The following UNC79 variants were observed in gnomAD, a reference collection of about 807,000 sequenced individuals.
UNC79 encodes protein unc-79 homolog.
UNC79 carries 37 observed loss-of-function variants against 283.1 expected under a neutral mutation model. The observed-to-expected ratio is 0.13, with a 90% confidence interval of 0.10 to 0.17. The LOEUF is 0.17. UNC79 is among the 10% of genes least tolerant of loss of function. UNC79 has a pLI of 1.00. For missense variants in UNC79, 2,272 were observed against 3,211.1 expected, an observed-to-expected ratio of 0.71 and a Z score of 7.07; for synonymous variants, 1,107 against 1,200.2, an observed-to-expected ratio of 0.92 and a Z score of 1.61.
chr14:93,481,959 A>G (rs1016769641), intron 4 of UNC79, among the ~76,000 whole-genome samples: 1 of 152,174 alleles, frequency 6.6e-6, no homozygotes, highest in African/African-American at 2.4e-5. Flanking sequence ...TCCTAACCTC[A>G]TGGAACTTTG....
chr14:93,610,822 G>A (rs1217277760), intron 26 of UNC79, among the ~76,000 whole-genome samples: 1 of 152,004 alleles, frequency 6.6e-6, no homozygotes. Context: ...TGTTGCCTAG[G>A]CTGGTCTCAA....
chr14:93,605,370 G>A (rs766298214), intron 26 of UNC79, among the ~76,000 whole-genome samples: 19 of 152,034 alleles, frequency 1.2e-4, no homozygotes, highest in Non-Finnish European at 1.9e-4. Context: ...ACTGTCATCC[G>A]CTCATCCCCT....
intron 11 of UNC79, among the ~76,000 whole-genome samples, chr14:93,535,708 C>T (rs1220883448): frequency 6.6e-6 from 1 of 152,186 alleles, no homozygotes; most frequent in Non-Finnish European, 1.5e-5. Flanking sequence ...AACATGGTCT[C>T]TCCCTGTGGC....
chr14:93,347,424 C>T lies in UNC79; in HGVS notation c.-351+13901C>T, dbSNP rs527944833. 314 of 1,450,196 alleles carry T rather than the reference C, an allele frequency of 2.2e-4. No individual in the cohort carries two copies. The African/African-American group carries it at 4.1e-3, about 19-fold the overall frequency. The allele number at this position is 1,450,196 out of a possible 1,614,324, so 89.8% of individuals were successfully genotyped here. ...GTTGAGGCCCAGCCATCATGGTGGG[C>T]GGGAAGCGCGTGGCCCTGGCGGGGC... On this transcript the variant is annotated intron_variant, in intron 1 of 49. Coordinates refer to the UNC79 transcript ENST00000256339.
chr14:93,494,897 C>T (rs2058945132), intron 5 of UNC79, among the ~76,000 whole-genome samples: 3 of 152,122 alleles, frequency 2.0e-5, no homozygotes, highest in African/African-American at 7.2e-5. Flanking sequence ...TGGAATTCCC[C>T]TCATGTTTGC....
chr14:93,526,655 A>G (rs1050401986), intron 8 of UNC79, among the ~76,000 whole-genome samples: 4 of 152,232 alleles, frequency 2.6e-5, no homozygotes, highest in Non-Finnish European at 5.9e-5. Flanking sequence ...GTGGATGTAA[A>G]CCAACCTGTT....
At chr14:93,359,349 A>G (rs546371942) in intron 1 of UNC79, among the ~76,000 whole-genome samples, 4 of 152,328 alleles carry the variant, frequency 2.6e-5, no homozygotes, top group African/African-American at 7.2e-5. Flanking sequence ...CCCTTGACCA[A>G]TGCTTTGCAA....
chr14:93,572,305 T>C (rs2063249584), intron 15 of UNC79, among the ~76,000 whole-genome samples: 1 of 152,246 alleles, frequency 6.6e-6, no homozygotes, highest in South Asian at 2.1e-4. Flanking sequence ...TGTGGAATAG[T>C]AAATAGATAA....
intron 1 of UNC79, among the ~76,000 whole-genome samples, chr14:93,462,776 G>A (rs1340907304): frequency 6.6e-6 from 1 of 152,190 alleles, no homozygotes; most frequent in Non-Finnish European, 1.5e-5. Flanking sequence ...CTTTGCTTGA[G>A]TGACTTGGTG....
intron 23 of UNC79, among the ~76,000 whole-genome samples, chr14:93,595,694 C>T (rs887241354): frequency 3.3e-5 from 5 of 152,128 alleles, no homozygotes; most frequent in Admixed American, 3.3e-4. Context: ...CCTTCTAGGT[C>T]CCCCCTGTGG....
At chr14:93,642,380 G>C (rs947631295) in intron 33 of UNC79, among the ~76,000 whole-genome samples, 2 of 144,320 alleles carry the variant, frequency 1.4e-5, no homozygotes, top group Admixed American at 1.4e-4. Context: ...AGCCGAGATT[G>C]TGCCACTGCA....
At chr14:93,407,114 G>T (rs1000546321) in intron 1 of UNC79, among the ~76,000 whole-genome samples, 20 of 152,096 alleles carry the variant, frequency 1.3e-4, no homozygotes, top group Admixed American at 1.2e-3. Flanking sequence ...CTCTTTTTAT[G>T]GGGTGCCAGT....
At chr14:93,493,070 A>T (rs1282945420) in intron 5 of UNC79, among the ~76,000 whole-genome samples, 1 of 152,218 alleles carries the variant, frequency 6.6e-6, no homozygotes, top group Non-Finnish European at 1.5e-5. Flanking sequence ...CAAGTATGTT[A>T]TACTATAAGA....
At chr14:93,659,732 A>G (rs7153801) in intron 39 of UNC79, among the ~76,000 whole-genome samples, 15,493 of 152,194 alleles carry the variant, frequency 0.1, 1,542 homozygotes, top group African/African-American at 0.26. Flanking sequence ...TATCATCATC[A>G]TCATCGAAAC....
chr14:93,545,090 A>G (rs1169267018), intron 14 of UNC79, among the ~76,000 whole-genome samples: 1 of 152,164 alleles, frequency 6.6e-6, no homozygotes, highest in Non-Finnish European at 1.5e-5. Context: ...AGAAGTGTTA[A>G]TTACTGGCAA....
intron 26 of UNC79, chr14:93,604,907 AC>A: frequency 6.3e-7 from 1 of 1,583,466 alleles, no homozygotes; most frequent in Non-Finnish European, 8.5e-7. Flanking sequence ...TATGAGGTTG[AC>A]CAGGCATGAG....
At chr14:93,592,763 A>G (rs1041016560) in intron 22 of UNC79, among the ~76,000 whole-genome samples, 1 of 152,216 alleles carries the variant, frequency 6.6e-6, no homozygotes, top group Non-Finnish European at 1.5e-5. Context: ...ATAATGTATT[A>G]TTACTAAAAT....
intron 47 of UNC79, among the ~76,000 whole-genome samples, chr14:93,702,755 C>G (rs377467235): frequency 6.6e-6 from 1 of 152,202 alleles, no homozygotes; most frequent in African/African-American, 2.4e-5. Context: ...TTGACCTTTT[C>G]CTCACTTGAA....
intron 1 of UNC79, among the ~76,000 whole-genome samples, chr14:93,374,734 A>G (rs10131694): frequency 0.54 from 82,361 of 151,986 alleles, 22,890 homozygotes; most frequent in Admixed American, 0.65. Context: ...TTTTATAGAG[A>G]CAGGGTCTAA....
Sources: gnomAD v4.1 joint callset for allele counts (sites outside exome capture counted in the v4.1 genomes callset) on GRCh38, gnomAD v4.1.1 for gene constraint, MANE v1.5 for transcripts, NCBI Gene and HGNC (gene_info 2026-07-23, HGNC 2026-07-21) for gene names.